Variants in FRMD3 observed in about 807,000 individuals in gnomAD.
FRMD3 encodes the protein FERM domain-containing protein 3.
In FRMD3, 33 loss-of-function variants were observed where a neutral mutation model predicts 70.2. The ratio of observed to expected loss-of-function variants is 0.47; its 90% CI spans 0.36 to 0.63. The LOEUF (loss-of-function observed/expected upper bound fraction) is 0.63, where lower values mean the gene tolerates loss of function less well. Ranked by LOEUF, FRMD3 falls within the 20% of genes least tolerant of loss-of-function variation. The pLI is 0.00. For missense variants in FRMD3, 632 were observed against 711.4 expected (o/e 0.89, Z 1.27); for synonymous variants, 279 against 255.9 (o/e 1.09, Z -0.86).
chr9:83,376,716 C>T (rs943226322), intron 2 of FRMD3, among the ~76,000 whole-genome samples: 2 of 151,272 alleles, frequency 1.3e-5, no homozygotes, highest in African/African-American at 4.9e-5. Context: ...GCTAGGATTA[C>T]AGGCATGAGC....
At chr9:83,514,368 C>A (rs574158621) in intron 1 of FRMD3, among the ~76,000 whole-genome samples, 2 of 152,272 alleles carry the variant, frequency 1.3e-5, no homozygotes, top group South Asian at 4.1e-4. Context: ...TGGACAGAGC[C>A]CACCGAAGCT....
At position 83,248,425 on chromosome 9, in the gene FRMD3, A is replaced by G; in HGVS notation, c.1287T>C (p.Ser429=). Reference sequence around the variant, plus strand: ...CTTCTTTTATTTTATCTTCCTCTTCACTAGGGGGATCTTCATACTCCCGGG... The same window carrying G: ...CTTCTTTTATTTTATCTTCCTCTTCGCTAGGGGGATCTTCATACTCCCGGG... The part of the protein sequence containing the change: ...KAAREYEDPP[S]EEEDKIKEEP... Residue 429 remains serine, a synonymous_variant, in exon 14 of 14, where the codon AGT becomes AGC. Transcript: ENST00000304195. 1.2e-6 allele frequency: 2 copies of G among 1,614,066 alleles called. No homozygotes were observed. The highest frequency in any genetic ancestry group is 2.2e-5 in the East Asian group (1 of 44,870).
At chr9:83,435,075 T>G (rs1401923353) in intron 1 of FRMD3, among the ~76,000 whole-genome samples, 1 of 152,064 alleles carries the variant, frequency 6.6e-6, no homozygotes, top group African/African-American at 2.4e-5. Flanking sequence ...GCAATCCACC[T>G]GCCTCAGCCT....
intron 12 of FRMD3, 51 bp downstream of exon 12, chr9:83,298,697 G>T: frequency 6.9e-7 from 1 of 1,451,326 alleles, no homozygotes; most frequent in Non-Finnish European, 9.7e-7. Flanking sequence ...AGGGGATTTG[G>T]AAAAGCCAGC....
In FRMD3 at chr9:83,536,456, A is replaced by G. The variant is rs79499159; in HGVS notation, c.147+1629T>C. Among the ~76,000 whole-genome samples the G allele has an allele frequency of 8.4e-3, 1,282 of 152,272 alleles. 19 individuals are homozygous for G. Among genetic ancestry groups the G allele is most frequent in the African/African-American group, 0.029 (1,206 of 41,556 alleles). On this transcript the variant is annotated intron_variant, in intron 1 of 13. Coordinates refer to ENST00000304195, the MANE Select transcript of FRMD3 (RefSeq NM_174938.6). The stretch of plus-strand genomic sequence containing the variant: ...CTGACGGCCCCTCCATCATCTACAC[A>G]TTCATTATGGGTTAAAGGACCTGTA...
chr9:83,247,076 T>C lies in FRMD3; in HGVS notation c.*842A>G. Reference sequence around the variant, plus strand: ...AACATCTGCTTCTCCAGCCAAAATATACGGACAGAATACAAATGAAAATAA... The same window carrying C: ...AACATCTGCTTCTCCAGCCAAAATACACGGACAGAATACAAATGAAAATAA... On this transcript the variant is annotated 3_prime_UTR_variant, in exon 14 of 14. Transcript: ENST00000304195. 1 of 985,408 alleles carries C rather than the reference T, an allele frequency of 1.0e-6. No individual in the cohort carries two copies. Among genetic ancestry groups the C allele is most frequent in the East Asian group, 1.1e-4 (1 of 8,814 alleles). The allele number at this position is 985,408 out of a possible 1,614,324, so 61.0% of individuals were successfully genotyped here. A position where few individuals can be genotyped will look rare whatever the true frequency, so the allele number is the denominator to read the frequency against.
rs138562923 is a variant in FRMD3 at position 83,351,668 on chromosome 9, T to C, written c.296-1911A>G. ...ATAGAGATAGATAGAGATAGGTAGATAGATGATTGATAGTTACATGATAGA... is the reference window on the plus strand; with the variant it reads ...ATAGAGATAGATAGAGATAGGTAGACAGATGATTGATAGTTACATGATAGA... On this transcript the variant is annotated intron_variant, in intron 3 of 13. Transcript: ENST00000304195. 5.4e-3 allele frequency among the ~76,000 whole-genome samples: 798 copies of C among 147,438 alleles called. 10 individuals are homozygous for C. Among genetic ancestry groups the C allele is most frequent in the African/African-American group, 0.019 (765 of 39,678 alleles).
At chr9:83,334,962 T>C (rs1823527433) in intron 6 of FRMD3, among the ~76,000 whole-genome samples, 2 of 152,226 alleles carry the variant, frequency 1.3e-5, no homozygotes. Context: ...TGCAAAGTGC[T>C]TAGAACAGTG....
rs1834796853 is a variant in FRMD3, at chr9:83,299,111, C to A, written c.1001+1G>T. On this transcript the variant is annotated splice_donor_variant, in intron 11 of 13. Transcript: ENST00000304195. LOFTEE classifies it high-confidence loss of function. ...ACTGAAATGGAACCATTGGTACCCA[C>A]CTATATCGAAATCTACTTCCTTTAA... 4 of 1,600,472 alleles carry A rather than the reference C, an allele frequency of 2.5e-6. No individual in the cohort carries two copies. The highest frequency in any genetic ancestry group is 3.4e-6 in the Non-Finnish European group (4 of 1,168,108).
Position 83,420,071 on chromosome 9 carries a change from C to T in FRMD3, c.148-30363G>A, listed in dbSNP as rs1314492278. On this transcript the variant is annotated intron_variant, in intron 1 of 13. Transcript: ENST00000304195. ...TCTTTATAAAACAGACAGCAGTTGCCAAAAACATGGTTCCTTCATGGCTCT... is the reference window on the plus strand; with the variant it reads ...TCTTTATAAAACAGACAGCAGTTGCTAAAAACATGGTTCCTTCATGGCTCT... Among the ~76,000 whole-genome samples, 3 of 152,134 alleles carry T rather than the reference C, an allele frequency of 2.0e-5. No homozygotes were observed. The East Asian group carries it at 5.8e-4, about 29-fold the overall frequency.
At chr9:83,554,846 C>G in the FRMD3 span, among the ~76,000 whole-genome samples, 3 of 151,676 alleles carry the variant, frequency 2.0e-5, no homozygotes, top group Non-Finnish European at 4.4e-5. Flanking sequence ...GCACCCACGT[C>G]ACAGTCTGGT....
At position 83,278,422 on chromosome 9, in the gene FRMD3, G is replaced by A. The variant is rs903887350; in HGVS notation, c.1195+12181C>T. On this transcript the variant is annotated intron_variant, in intron 13 of 13. Coordinates refer to ENST00000304195, the MANE Select transcript of FRMD3 (RefSeq NM_174938.6). ...AGTGGAAGCAGAGAACCCCTCAGGC[G>A]ATAACTGCACATCCAGTAGACAGAG... Among the ~76,000 whole-genome samples the A allele has an allele frequency of 5.9e-5, 9 of 152,270 alleles. No individual in the cohort carries two copies. In the South Asian group the frequency reaches 6.2e-4, roughly 11 times the overall value.
chr9:83,346,581 C>T (rs1482569395), intron 4 of FRMD3, among the ~76,000 whole-genome samples: 1 of 152,124 alleles, frequency 6.6e-6, no homozygotes, highest in Non-Finnish European at 1.5e-5. Flanking sequence ...TGCAAAATTT[C>T]CTACTGGGGT....
intron 1 of FRMD3, among the ~76,000 whole-genome samples, chr9:83,395,539 GT>G (rs1295203053): frequency 6.6e-6 from 1 of 151,978 alleles, no homozygotes; most frequent in East Asian, 1.9e-4. Flanking sequence ...GTGTCCATGT[GT>G]TCTCATCATT....
chr9:83,303,670 A>G (rs780517068), intron 10 of FRMD3, among the ~76,000 whole-genome samples: 35 of 152,246 alleles, frequency 2.3e-4, no homozygotes, highest in Non-Finnish European at 4.8e-4. Flanking sequence ...TAGGTTCCTC[A>G]TCCCAGATTC....
In FRMD3 at chr9:83,537,561, C is replaced by G. The variant is rs574337752; in HGVS notation, c.147+524G>C. On this transcript the variant is annotated intron_variant, in intron 1 of 13. Transcript: ENST00000304195. The surrounding 1 kb of genome is among the most constrained non-coding windows in gnomAD (Gnocchi z 4.1). ...CCCCACGCGGAGAACTAAAGACCACCGGCGGAGGGTGAGGGGGACCGACAC... is the reference window on the plus strand; with the variant it reads ...CCCCACGCGGAGAACTAAAGACCACGGGCGGAGGGTGAGGGGGACCGACAC... Among the ~76,000 whole-genome samples, 8 of 152,224 alleles carry G rather than the reference C, an allele frequency of 5.3e-5. No homozygotes were observed. The highest frequency in any genetic ancestry group is 1.9e-4 in the African/African-American group (8 of 41,466).
chr9:83,447,750 G>A (rs1340754519), intron 1 of FRMD3, among the ~76,000 whole-genome samples: 3 of 152,060 alleles, frequency 2.0e-5, no homozygotes, highest in Non-Finnish European at 2.9e-5. Flanking sequence ...TCCAGCACAG[G>A]GTAGGAGCTC....
chr9:83,427,460 T>C (rs114512118), intron 1 of FRMD3, among the ~76,000 whole-genome samples: 1,686 of 152,308 alleles, frequency 0.011, 32 homozygotes, highest in African/African-American at 0.037. Context: ...AAAGGTGTCA[T>C]TCTTGATGTG....
At chr9:83,436,458 A>AAGTGTGTGTGTGTGTG (rs1827136103) in intron 1 of FRMD3, among the ~76,000 whole-genome samples, 1 of 144,566 alleles carries the variant, frequency 6.9e-6, no homozygotes. Flanking sequence ...AATTAATAAG[A>AAGTGTGTGTGTGTGTG]TGTGTGTGTG....
Sources: allele counts gnomAD v4.1 joint callset (sites outside exome capture counted in the v4.1 genomes callset), GRCh38; gene constraint gnomAD v4.1.1; non-coding constraint Gnocchi (gnomAD v3.1); transcripts MANE v1.5; gene names NCBI Gene and HGNC (gene_info 2026-07-23, HGNC 2026-07-21).